Variants in FOXP1 observed in about 807,000 individuals in gnomAD.
The protein encoded by FOXP1 is forkhead box P1, also known as forkhead box protein P1.
A neutral mutation model predicts 98.2 loss-of-function variants in FOXP1; 15 were observed. The observed-to-expected ratio is 0.15, with a 90% CI of 0.10 to 0.24. The LOEUF (loss-of-function observed/expected upper bound fraction) is 0.24. Ranked by LOEUF, FOXP1 falls within the 10% of genes least tolerant of loss-of-function variation. FOXP1 has a pLI of 1.00. For missense variants in FOXP1, 633 were observed against 848.5 expected, an observed-to-expected ratio of 0.75 and a Z score of 3.15; for synonymous variants, 371 against 314.5, an observed-to-expected ratio of 1.18 and a Z score of -1.90.
chr3:71,425,390 T>C (rs1206868838), intron 3 of FOXP1, among the ~76,000 whole-genome samples: 1 of 152,166 alleles, frequency 6.6e-6, no homozygotes, highest in Non-Finnish European at 1.5e-5. Flanking sequence ...CCTCCCAAAG[T>C]GCTGGAATTA....
chr3:71,086,229 GT>G (rs1295172416), intron 7 of FOXP1, among the ~76,000 whole-genome samples: 4 of 152,138 alleles, frequency 2.6e-5, no homozygotes, highest in African/African-American at 9.7e-5. Context: ...CCTGAAACCA[GT>G]GTCTCATGTT....
intron 20 of FOXP1, among the ~76,000 whole-genome samples, chr3:70,961,939 C>A (rs1244563201): frequency 1.3e-5 from 2 of 152,046 alleles, no homozygotes; most frequent in Non-Finnish European, 2.9e-5. Context: ...AGTGCAGTGT[C>A]CTTTTAGGCA....
intron 4 of FOXP1, among the ~76,000 whole-genome samples, chr3:71,328,505 CATGCCTCAGAGGAACACA>C: frequency 6.6e-6 from 1 of 152,344 alleles, no homozygotes; most frequent in East Asian, 1.9e-4. Context: ...AGAGGGACTT[CATGCCTCAGAGGAACACA>C]ATGTGTGACT....
chr3:71,013,540 G>A (rs992569720), intron 12 of FOXP1, among the ~76,000 whole-genome samples: 4 of 152,114 alleles, frequency 2.6e-5, no homozygotes, highest in Non-Finnish European at 5.9e-5. Flanking sequence ...CTCATGGATA[G>A]GAAGAATCAG....
At chr3:71,343,808 C>T (rs1487522004) in intron 4 of FOXP1, among the ~76,000 whole-genome samples, 1 of 152,148 alleles carries the variant, frequency 6.6e-6, no homozygotes, top group Non-Finnish European at 1.5e-5. Flanking sequence ...GGATTACAGG[C>T]ATTGAGCCCA....
At chr3:71,260,625 C>T (rs1560201253) in intron 5 of FOXP1, among the ~76,000 whole-genome samples, 1 of 151,618 alleles carries the variant, frequency 6.6e-6, no homozygotes, top group African/African-American at 2.4e-5. Context: ...TCACTGCAAC[C>T]TCCGTCTCCC....
intron 6 of FOXP1, among the ~76,000 whole-genome samples, chr3:71,160,948 A>G (rs1253537941): frequency 1.3e-5 from 2 of 152,200 alleles, no homozygotes; most frequent in African/African-American, 4.8e-5. Flanking sequence ...GGGCCTTAGG[A>G]AAGACCAAAG....
chr3:71,187,220 AAT>A lies in FOXP1; in HGVS notation c.180+10980_180+10981del, dbSNP rs1241501565. On this transcript the variant is annotated intron_variant, in intron 6 of 20. Transcript: ENST00000649528. Reference sequence around the variant, plus strand: ...ACAATTGTGAATCACTACATTACAGAATATAATCTTGATAATTATAACTGTGA... The same window carrying A: ...ACAATTGTGAATCACTACATTACAGAATAATCTTGATAATTATAACTGTGA... Among the ~76,000 whole-genome samples, 3 of 152,362 alleles carry A rather than the reference AAT, an allele frequency of 2.0e-5. No homozygotes were observed. The East Asian group carries it at 5.8e-4, about 29-fold the overall frequency.
chr3:71,442,974 C>G (rs540848092), intron 3 of FOXP1, among the ~76,000 whole-genome samples: 1 of 152,316 alleles, frequency 6.6e-6, no homozygotes, highest in African/African-American at 2.4e-5. Flanking sequence ...TAACTGCAAC[C>G]TCTGCCTCCT....
Position 71,362,328 on chromosome 3 carries a change from T to C in FOXP1, c.-167-3084A>G, listed in dbSNP as rs575363147. ...CTGGGACTACAGGTGCCCACTGTAA[T>C]GCCCAGCTAATTTTTTGTATTTTTA... On this transcript the variant is annotated intron_variant, in intron 3 of 20. Transcript: ENST00000649528. Among the ~76,000 whole-genome samples the C allele has an allele frequency of 1.2e-4, 18 of 152,180 alleles. No homozygotes were observed. In the South Asian group the frequency reaches 3.5e-3, roughly 30 times the overall value.
At chr3:71,395,691 C>T (rs1295396291) in intron 3 of FOXP1, among the ~76,000 whole-genome samples, 2 of 152,116 alleles carry the variant, frequency 1.3e-5, no homozygotes, top group Non-Finnish European at 2.9e-5. Flanking sequence ...GTCTTGTTAA[C>T]AGTTATATTC....
chr3:71,055,862 A>G (rs770896999), intron 7 of FOXP1, among the ~76,000 whole-genome samples: 1 of 152,198 alleles, frequency 6.6e-6, no homozygotes. Flanking sequence ...GTACAATATA[A>G]ATATTCTTGA....
At chr3:71,386,515 G>A (rs1170116315) in intron 3 of FOXP1, among the ~76,000 whole-genome samples, 1 of 152,032 alleles carries the variant, frequency 6.6e-6, no homozygotes, top group African/African-American at 2.4e-5. Flanking sequence ...GGCCAAGGTG[G>A]GCAGATCACG....
chr3:71,582,661 C>T, intron 1 of FOXP1: 5 of 985,348 alleles, frequency 5.1e-6, no homozygotes, highest in Non-Finnish European at 6.0e-6. Context: ...GATCCGGGCG[C>T]GGCGACTCCT....
chr3:71,347,007 G>A (rs1040195771), intron 4 of FOXP1, among the ~76,000 whole-genome samples: 1 of 152,080 alleles, frequency 6.6e-6, no homozygotes, highest in Non-Finnish European at 1.5e-5. Context: ...TTGCACTCCA[G>A]CCTGGCAACA....
At chr3:71,514,943 C>T (rs950516056) in intron 2 of FOXP1, among the ~76,000 whole-genome samples, 4 of 152,248 alleles carry the variant, frequency 2.6e-5, no homozygotes, top group Non-Finnish European at 4.4e-5. Flanking sequence ...AAGATGCAAA[C>T]CTATTATTAA....
chr3:71,113,979 C>T (rs1015066290), intron 6 of FOXP1, among the ~76,000 whole-genome samples: 4 of 152,088 alleles, frequency 2.6e-5, no homozygotes, highest in African/African-American at 9.7e-5. Flanking sequence ...CAAGAATGTA[C>T]ACATGGCAGA....
rs1236011023 is a variant in FOXP1, at chr3:70,995,835, A to C, written c.1062+5137T>G. ...CAACCCTTCCCTGTTAACAAGCTCT[A>C]CATAAACATTCTTTCTACCGCTAAG... is the stretch of plus-strand genomic sequence containing the variant. On this transcript the variant is annotated intron_variant, in intron 13 of 20. Transcript: ENST00000649528. Among the ~76,000 whole-genome samples the C allele has an allele frequency of 7.9e-5, 12 of 152,324 alleles. 1 individual carries two copies. The South Asian group carries it at 2.1e-3, about 26-fold the overall frequency.
intron 3 of FOXP1, among the ~76,000 whole-genome samples, chr3:71,434,342 TCCTGGGAGTCCA>T (rs2108405679): frequency 6.6e-6 from 1 of 151,806 alleles, no homozygotes; most frequent in South Asian, 2.1e-4. Context: ...CCCACTCCAG[TCCTGGGAGTCCA>T]CCTGCAGGCT....
Sources: allele counts gnomAD v4.1 joint callset (sites outside exome capture counted in the v4.1 genomes callset), GRCh38; gene constraint gnomAD v4.1.1; transcripts MANE v1.5; gene names NCBI Gene and HGNC (gene_info 2026-07-23, HGNC 2026-07-21).